Variants in MGAT4C observed in about 807,000 individuals in gnomAD.
The protein encoded by MGAT4C is MGAT4 family member C, also known as alpha-1,3-mannosyl-glycoprotein 4-beta-N-acetylglucosaminyltransferase C.
In MGAT4C, 19 loss-of-function variants were observed where a neutral mutation model predicts 40.1. The ratio of observed to expected loss-of-function variants is 0.47; its 90% CI spans 0.33 to 0.70. The LOEUF (loss-of-function observed/expected upper bound fraction) is 0.70. MGAT4C is among the 30% of genes least tolerant of loss of function. MGAT4C has a pLI of 0.02. For missense variants in MGAT4C, 491 were observed against 563.2 expected (o/e 0.87, Z 1.30); for synonymous variants, 181 against 187.1 (o/e 0.97, Z 0.27).
At chr12:86,819,464 A>G (rs1952668594) in intron 1 of MGAT4C, among the ~76,000 whole-genome samples, 1 of 150,970 alleles carries the variant, frequency 6.6e-6, no homozygotes, top group Non-Finnish European at 1.5e-5. Flanking sequence ...AGAAACTTGT[A>G]ATAATAGATT....
intron 3 of MGAT4C, among the ~76,000 whole-genome samples, chr12:86,387,855 G>C (rs1023817532): frequency 2.0e-5 from 3 of 152,096 alleles, no homozygotes; most frequent in Admixed American, 2.0e-4. Context: ...CTGCAAGCTT[G>C]ACCTTAGCTA....
At chr12:86,096,529 T>A (rs1873952138) in intron 1 of MGAT4C, among the ~76,000 whole-genome samples, 1 of 151,482 alleles carries the variant, frequency 6.6e-6, no homozygotes, top group South Asian at 2.1e-4. Flanking sequence ...TTTCTTCAAG[T>A]TTTACCTTCA....
chr12:86,740,253 A>G (rs1383283308), intron 1 of MGAT4C, among the ~76,000 whole-genome samples: 2 of 151,042 alleles, frequency 1.3e-5, no homozygotes, highest in Non-Finnish European at 3.0e-5. Flanking sequence ...TTTTTCTTTG[A>G]AAAAATACTA....
chr12:86,269,975 G>A (rs535865127), intron 4 of MGAT4C, among the ~76,000 whole-genome samples: 2 of 152,044 alleles, frequency 1.3e-5, no homozygotes, highest in South Asian at 2.1e-4. Flanking sequence ...GTATATTCAC[G>A]CTGTTGTACA....
At chr12:86,531,819 T>C (rs1958990286) in intron 2 of MGAT4C, among the ~76,000 whole-genome samples, 1 of 151,942 alleles carries the variant, frequency 6.6e-6, no homozygotes, top group Non-Finnish European at 1.5e-5. Context: ...TTTGAGTTTG[T>C]TATATAGGTT....
chr12:86,302,231 C>A (rs199603195), intron 4 of MGAT4C, among the ~76,000 whole-genome samples: 2 of 150,664 alleles, frequency 1.3e-5, no homozygotes, highest in Middle Eastern at 3.2e-3. Context: ...TCAAATAAAT[C>A]GAAGCCTTGA....
At chr12:86,700,164 GACAGA>G in intron 2 of MGAT4C, among the ~76,000 whole-genome samples, 1 of 142,194 alleles carries the variant, frequency 7.0e-6, no homozygotes, top group Non-Finnish European at 1.6e-5. Flanking sequence ...CAGACAGACA[GACAGA>G]CAGACAGACA....
Position 86,607,452 on chromosome 12 carries a change from T to C in MGAT4C, c.-229+119757A>G, listed in dbSNP as rs377418891. 2.2e-4 allele frequency among the ~76,000 whole-genome samples: 33 copies of C among 152,276 alleles called. No individual in the cohort carries two copies. The East Asian group carries it at 2.3e-3, about 11-fold the overall frequency. On this transcript the variant is annotated intron_variant, in intron 2 of 7. Transcript: ENST00000548651. ...CTGTATAAAAAATGTATAGTAATTA[T>C]GCCTTATGTCTCTTTGGTGTTTGTA...
chr12:85,956,659 G>A lies in MGAT4C; in HGVS notation c.*22630C>T, dbSNP rs1882811581. On this transcript the variant is annotated 3_prime_UTR_variant, in exon 5 of 5. Transcript: ENST00000611864. ...ACAATTTCAGTTTTCAGCCTGTCTT[G>A]TAAGATTTAACCCAAGCTACAGTGG... 1 of 152,160 alleles carries A rather than the reference G, an allele frequency of 6.6e-6. No homozygotes were observed. Among genetic ancestry groups the A allele is most frequent in the Non-Finnish European group, 1.5e-5 (1 of 68,030 alleles). 9.4% of individuals were successfully genotyped at this position (152,160 alleles called of 1,614,324 possible). A position where few individuals can be genotyped will look rare whatever the true frequency, so the allele number is the denominator to read the frequency against.
chr12:86,030,101 G>C (rs1024131757), intron 2 of MGAT4C, among the ~76,000 whole-genome samples: 3 of 151,682 alleles, frequency 2.0e-5, no homozygotes, highest in Admixed American at 2.0e-4. Context: ...AAAAGAGATG[G>C]CAATAGGTGT....
intron 1 of MGAT4C, among the ~76,000 whole-genome samples, chr12:86,064,165 G>C (rs1894275504): frequency 1.3e-5 from 2 of 152,116 alleles, no homozygotes; most frequent in Admixed American, 1.3e-4. Context: ...ACACTCCTCA[G>C]CAAATGCAAA....
chr12:86,280,245 C>G (rs1953181979), intron 4 of MGAT4C, among the ~76,000 whole-genome samples: 2 of 151,970 alleles, frequency 1.3e-5, no homozygotes. Context: ...GTGTTAAAGT[C>G]TACAGGTGTT....
chr12:86,152,735 C>A (rs1884450418), intron 1 of MGAT4C, among the ~76,000 whole-genome samples: 1 of 152,180 alleles, frequency 6.6e-6, no homozygotes, highest in South Asian at 2.1e-4. Flanking sequence ...AGGTACTGTT[C>A]TATTAGGAAA....
chr12:86,526,463 G>C (rs1565826537), intron 2 of MGAT4C, among the ~76,000 whole-genome samples: 2 of 152,270 alleles, frequency 1.3e-5, no homozygotes, highest in East Asian at 3.9e-4. Context: ...AGGTCAGCTG[G>C]TGTGTGGCCA....
intron 3 of MGAT4C, among the ~76,000 whole-genome samples, chr12:86,383,544 C>T (rs1484620192): frequency 1.2e-4 from 10 of 80,580 alleles, no homozygotes; most frequent in South Asian, 5.7e-4. Flanking sequence ...AGCGACACTT[C>T]GTCTCAAAAA....
chr12:86,072,254 A>G (rs1868671669), intron 1 of MGAT4C, among the ~76,000 whole-genome samples: 1 of 152,112 alleles, frequency 6.6e-6, no homozygotes, highest in Non-Finnish European at 1.5e-5. Context: ...GACTGTCACT[A>G]AACTAATTAT....
Position 86,301,126 on chromosome 12 carries a change from T to A in MGAT4C, c.-57+32939A>T, listed in dbSNP as rs1251344307. 3.3e-5 allele frequency among the ~76,000 whole-genome samples: 5 copies of A among 152,174 alleles called. No individual in the cohort carries two copies. In the East Asian group the frequency reaches 9.6e-4, roughly 29 times the overall value. On this transcript the variant is annotated intron_variant, in intron 4 of 7. Coordinates refer to the MGAT4C transcript ENST00000548651. ...GTGCAATGTGTTGGTCCTCTTTAACTCATTCACGCCCAGGGGCTCACTAAC... is the reference window on the plus strand; with the variant it reads ...GTGCAATGTGTTGGTCCTCTTTAACACATTCACGCCCAGGGGCTCACTAAC...
At chr12:86,493,736 A>G (rs1241013407) in intron 2 of MGAT4C, among the ~76,000 whole-genome samples, 1 of 152,012 alleles carries the variant, frequency 6.6e-6, no homozygotes, top group African/African-American at 2.4e-5. Flanking sequence ...AGCATGGCAC[A>G]TGTATACATA....
At chr12:86,657,131 T>C (rs543457579) in intron 2 of MGAT4C, among the ~76,000 whole-genome samples, 4 of 151,986 alleles carry the variant, frequency 2.6e-5, no homozygotes, top group African/African-American at 9.6e-5. Context: ...TATTCTAATT[T>C]CAAAAAATTA....
Sources: allele counts gnomAD v4.1 joint callset (sites outside exome capture counted in the v4.1 genomes callset), GRCh38; gene constraint gnomAD v4.1.1; transcripts MANE v1.5; gene names NCBI Gene and HGNC (gene_info 2026-07-23, HGNC 2026-07-21).